TENT4B: variants seen among roughly 807,000 people sequenced by gnomAD.
TENT4B encodes terminal nucleotidyltransferase 4B, also known as PAP associated domain containing 5.
Under a neutral mutation model 75.0 loss-of-function variants are expected in TENT4B, and 10 were observed. That is an observed-to-expected ratio of 0.13 (90% confidence interval 0.08 to 0.23). The LOEUF (loss-of-function observed/expected upper bound fraction) is 0.23, where lower values mean the gene tolerates loss of function less well. Ranked by LOEUF, TENT4B falls within the 10% of genes least tolerant of loss-of-function variation. TENT4B has a pLI of 1.00. For missense variants in TENT4B, 579 were observed against 893.8 expected, an observed-to-expected ratio of 0.65 and a Z score of 4.49; for synonymous variants, 350 against 357.7, an observed-to-expected ratio of 0.98 and a Z score of 0.24.
Position 50,163,948 on chromosome 16 carries a change from G to A in TENT4B, c.638+9689G>A, listed in dbSNP as rs143943756. Among the ~76,000 whole-genome samples the A allele has an allele frequency of 9.4e-4, 132 of 140,294 alleles. 1 individual carries two copies. Among genetic ancestry groups the A allele is most frequent in the Non-Finnish European group, 1.7e-3 (99 of 59,932 alleles). 92.0% of individuals were successfully genotyped at this position (140,294 alleles called of 152,430 possible). On this transcript the variant is annotated intron_variant, in intron 1 of 11. Coordinates refer to ENST00000561678, the MANE Select transcript of TENT4B (RefSeq NM_001365324.3). ...CAAGGCAGGAGCATCACCTGAGGTC[G>A]GGAGTTCGAGACCAGCCTGACCAAC...
intron 1 of TENT4B, among the ~76,000 whole-genome samples, chr16:50,168,457 C>T (rs1356234841): frequency 1.3e-5 from 2 of 150,348 alleles, no homozygotes; most frequent in African/African-American, 2.5e-5. Flanking sequence ...CCCACCACCA[C>T]ACCCAGCTAA....
chr16:50,170,407 C>G (rs943401192), intron 1 of TENT4B, among the ~76,000 whole-genome samples: 2 of 152,326 alleles, frequency 1.3e-5, no homozygotes, highest in East Asian at 3.9e-4. Flanking sequence ...AGGAAGATTT[C>G]CTACTGGGAG....
At position 50,234,036 on chromosome 16, in the gene TENT4B, G is replaced by C. The variant is rs2032375285; in HGVS notation, c.*4708G>C. ...TACCTTTCACTACACCAGCTTCTGT[G>C]TGGCCTGGTAACATGGAAGGTCTCT... On this transcript the variant is annotated 3_prime_UTR_variant, in exon 12 of 12. Coordinates refer to ENST00000561678, the MANE Select transcript of TENT4B (RefSeq NM_001365324.3). 1 of 985,338 alleles carries C rather than the reference G, an allele frequency of 1.0e-6. No homozygotes were observed. Among genetic ancestry groups the C allele is most frequent in the African/African-American group, 1.7e-5 (1 of 57,238 alleles). The allele number at this position is 985,338 out of a possible 1,614,324, so 61.0% of individuals were successfully genotyped here.
chr16:50,189,809 G>A (rs1335284559), intron 1 of TENT4B, among the ~76,000 whole-genome samples: 1 of 151,922 alleles, frequency 6.6e-6, no homozygotes, highest in African/African-American at 2.4e-5. Context: ...CACTTTGGGA[G>A]GCCGAGGCAG....
Position 50,224,889 on chromosome 16 carries a change from A to G in TENT4B, c.1509-2A>G. 1 of 1,613,222 alleles carries G rather than the reference A, an allele frequency of 6.2e-7. No individual in the cohort carries two copies. The highest frequency in any genetic ancestry group is 8.5e-7 in the Non-Finnish European group (1 of 1,179,300). ...TCTCCCTTTCTTTTTAAACACATGCAGCATACTAGGTAGAATAATTAGAGT... is the reference window on the plus strand; with the variant it reads ...TCTCCCTTTCTTTTTAAACACATGCGGCATACTAGGTAGAATAATTAGAGT... On this transcript the variant is annotated splice_acceptor_variant, in intron 8 of 11. Transcript: ENST00000561678. LOFTEE classifies it high-confidence loss of function.
rs769157240 is a variant in TENT4B, at chr16:50,211,410, C to T, written c.726C>T (p.Ile242=). 4.4e-6 allele frequency: 7 copies of T among 1,605,730 alleles called. No individual in the cohort carries two copies. The South Asian group carries it at 5.6e-5, about 13-fold the overall frequency. ...EKMRMEVVNR[I]ESVIKELWPS... ...TGCGGATGGAGGTGGTGAACAGGAT[C>T]GAGAGTGTAATTAAGGAGCTCTGGC... Residue 242 remains isoleucine, a synonymous_variant, in exon 2 of 12, where the codon ATC becomes ATT. Transcript: ENST00000561678.
intron 1 of TENT4B, among the ~76,000 whole-genome samples, chr16:50,186,908 T>C (rs1211452627): frequency 6.6e-6 from 1 of 152,012 alleles, no homozygotes; most frequent in Non-Finnish European, 1.5e-5. Flanking sequence ...TTCATTTATT[T>C]TTCTTTTTTT....
intron 1 of TENT4B, among the ~76,000 whole-genome samples, chr16:50,160,617 C>T (rs1344415731): frequency 1.3e-5 from 2 of 152,136 alleles, no homozygotes; most frequent in Non-Finnish European, 2.9e-5. Flanking sequence ...TTTAAGGGCT[C>T]CGTTGGTGAT....
At chr16:50,212,116 A>C (rs967416186) in intron 2 of TENT4B, among the ~76,000 whole-genome samples, 1 of 152,146 alleles carries the variant, frequency 6.6e-6, no homozygotes, top group Non-Finnish European at 1.5e-5. Context: ...GCTGGAGTGC[A>C]ATAGTGCGAT....
In TENT4B at chr16:50,153,337, A is replaced by G. The variant is rs1162844337; in HGVS notation, c.-285A>G. 8.2e-6 allele frequency among the ~76,000 whole-genome samples: 1 copy of G among 122,368 alleles called. No homozygotes were observed. Among genetic ancestry groups the G allele is most frequent in the Non-Finnish European group, 1.7e-5 (1 of 60,504 alleles). The allele number at this position is 122,368 out of a possible 152,430, so 80.3% of individuals were successfully genotyped here. On this transcript the variant is annotated 5_prime_UTR_variant, in exon 1 of 12. Coordinates refer to ENST00000561678, the MANE Select transcript of TENT4B (RefSeq NM_001365324.3). The stretch of plus-strand genomic sequence containing the variant: ...TGGAGCCGCCGCCGCCGCCGCCGCC[A>G]TTTGCACGGGGACCCCAGTGACAGG...
rs547901506 is a variant in TENT4B at position 50,159,228 on chromosome 16, C to A, written c.638+4969C>A. 1.5e-4 allele frequency among the ~76,000 whole-genome samples: 23 copies of A among 149,188 alleles called. No individual in the cohort carries two copies. In the South Asian group the frequency reaches 4.9e-3, roughly 32 times the overall value. On this transcript the variant is annotated intron_variant, in intron 1 of 11. Transcript: ENST00000561678. ...TCTCTCTCTCTCGCTCTCGCTCCCTCCCTCTCTCTCTCTTTCTGTTTTTTT... is the reference window on the plus strand; with the variant it reads ...TCTCTCTCTCTCGCTCTCGCTCCCTACCTCTCTCTCTCTTTCTGTTTTTTT...
At chr16:50,155,173 G>C (rs1209986221) in intron 1 of TENT4B, among the ~76,000 whole-genome samples, 1 of 151,974 alleles carries the variant, frequency 6.6e-6, no homozygotes, top group African/African-American at 2.4e-5. Flanking sequence ...ACATAAGCAG[G>C]GAATGTTTCC....
intron 1 of TENT4B, among the ~76,000 whole-genome samples, chr16:50,156,495 C>T (rs1242512796): frequency 6.6e-6 from 1 of 152,008 alleles, no homozygotes; most frequent in Non-Finnish European, 1.5e-5. Flanking sequence ...CAGGCGCTTG[C>T]CACCACGCCT....
In TENT4B at chr16:50,229,894, A is replaced by G. The variant is rs2032221221; in HGVS notation, c.*566A>G. ...TGGATTTGTTAATAATACTTTTTAC[A>G]TAACATTACTGTTTAAATTGTAAAC... On this transcript the variant is annotated 3_prime_UTR_variant, in exon 12 of 12. Coordinates refer to ENST00000561678, the MANE Select transcript of TENT4B (RefSeq NM_001365324.3). 8 of 917,404 alleles carry G rather than the reference A, an allele frequency of 8.7e-6. No individual in the cohort carries two copies. Among genetic ancestry groups the G allele is most frequent in the African/African-American group, 1.8e-5 (1 of 55,532 alleles). 56.8% of individuals were successfully genotyped at this position (917,404 alleles called of 1,614,324 possible). A position where few individuals can be genotyped will look rare whatever the true frequency, so the allele number is the denominator to read the frequency against.
chr16:50,171,396 A>G (rs1567481296), intron 1 of TENT4B, among the ~76,000 whole-genome samples: 1 of 151,990 alleles, frequency 6.6e-6, no homozygotes, highest in South Asian at 2.1e-4. Context: ...GTGAGAAGTA[A>G]CTCTGGCTGT....
intron 1 of TENT4B, among the ~76,000 whole-genome samples, chr16:50,193,694 G>T (rs2030012356): frequency 6.6e-6 from 1 of 152,038 alleles, no homozygotes; most frequent in South Asian, 2.1e-4. Context: ...CAAAAGCCTG[G>T]GCATGTTGTC....
intron 1 of TENT4B, among the ~76,000 whole-genome samples, chr16:50,165,731 T>C (rs1276674556): frequency 6.6e-6 from 1 of 152,230 alleles, no homozygotes; most frequent in Non-Finnish European, 1.5e-5. Flanking sequence ...CCAAAGGTTA[T>C]CTGTGTCGTA....
At chr16:50,185,872 T>C (rs1414622951) in intron 1 of TENT4B, among the ~76,000 whole-genome samples, 1 of 152,162 alleles carries the variant, frequency 6.6e-6, no homozygotes, top group Non-Finnish European at 1.5e-5. Context: ...TCCGTACTTT[T>C]ATGCTCTCAT....
At position 50,231,368 on chromosome 16, in the gene TENT4B, A is replaced by C. The variant is rs1249000382; in HGVS notation, c.*2040A>C. ...TACTGCTAAGGGAACAATTATTTATAAAATAATATTAAATCCAGTATTAGC... is the reference window on the plus strand; with the variant it reads ...TACTGCTAAGGGAACAATTATTTATCAAATAATATTAAATCCAGTATTAGC... On this transcript the variant is annotated 3_prime_UTR_variant, in exon 12 of 12. Coordinates refer to ENST00000561678, the MANE Select transcript of TENT4B (RefSeq NM_001365324.3). 1 of 979,424 alleles carries C rather than the reference A, an allele frequency of 1.0e-6. No individual in the cohort carries two copies. Among genetic ancestry groups the C allele is most frequent in the East Asian group, 1.1e-4 (1 of 8,800 alleles). The allele number at this position is 979,424 out of a possible 1,614,324, so 60.7% of individuals were successfully genotyped here. A position where few individuals can be genotyped will look rare whatever the true frequency, so the allele number is the denominator to read the frequency against.
Sources: gnomAD v4.1 joint callset for allele counts (sites outside exome capture counted in the v4.1 genomes callset) on GRCh38, gnomAD v4.1.1 for gene constraint, MANE v1.5 for transcripts, NCBI Gene and HGNC (gene_info 2026-07-23, HGNC 2026-07-21) for gene names.